Variants in CRACD observed in about 807,000 individuals in gnomAD.
CRACD encodes the protein capping protein inhibiting regulator of actin dynamics, also known as capping protein-inhibiting regulator of actin dynamics.
In CRACD, 56 loss-of-function variants were observed where a neutral mutation model predicts 106.8. That is an observed-to-expected ratio of 0.52 (90% CI 0.42 to 0.66). CRACD has a LOEUF of 0.66. Ranked by LOEUF, CRACD falls within the 30% of genes least tolerant of loss-of-function variation. The probability of loss-of-function intolerance (pLI) is 0.00; values close to 1 mark genes in which losing one functional copy is unlikely to be tolerated. For missense variants in CRACD, 1,730 were observed against 1,623.2 expected (o/e 1.07, Z -1.13); for synonymous variants, 754 against 670.8 (o/e 1.12, Z -1.92).
chr4:56,308,836 T>G (rs1744935158), intron 5 of CRACD: 1 of 1,287,700 alleles, frequency 7.8e-7, no homozygotes. Flanking sequence ...TGCAGGGGTA[T>G]CCTGAGATCT....
chr4:56,216,847 G>A (rs1055863407), intron 2 of CRACD, among the ~76,000 whole-genome samples: 72 of 151,188 alleles, frequency 4.8e-4, no homozygotes, highest in African/African-American at 1.7e-3. Flanking sequence ...GGGCGCGGTG[G>A]CGGGCACCTG....
chr4:56,126,485 A>G (rs912971115), intron 1 of CRACD, among the ~76,000 whole-genome samples: 1 of 152,198 alleles, frequency 6.6e-6, no homozygotes, highest in African/African-American at 2.4e-5. Flanking sequence ...TCCATTCTCT[A>G]AGGATAACAA....
chr4:56,267,402 G>GT (rs1742086210), intron 2 of CRACD, among the ~76,000 whole-genome samples: 1 of 152,076 alleles, frequency 6.6e-6, no homozygotes, highest in Non-Finnish European at 1.5e-5. Flanking sequence ...GATTACAGGC[G>GT]TGAGCCACCA....
chr4:56,132,544 G>A (rs964794836), intron 1 of CRACD, among the ~76,000 whole-genome samples: 3 of 151,956 alleles, frequency 2.0e-5, no homozygotes, highest in Non-Finnish European at 4.4e-5. Context: ...TCACCATATT[G>A]CCCAGGCTGG....
chr4:56,090,579 GAGAC>G (rs1733393851), intron 1 of CRACD, among the ~76,000 whole-genome samples: 1 of 152,088 alleles, frequency 6.6e-6, no homozygotes, highest in Admixed American at 6.6e-5. Flanking sequence ...ATTTTTTGTA[GAGAC>G]AAGGTTTTGC....
At chr4:56,051,243 A>G (rs893613932) in intron 1 of CRACD, among the ~76,000 whole-genome samples, 3 of 152,236 alleles carry the variant, frequency 2.0e-5, no homozygotes, top group African/African-American at 7.2e-5. Flanking sequence ...TAAAACGTGT[A>G]CAGATGGAAT....
rs183566963 is a variant in CRACD, at chr4:56,199,769, G to A, written c.-189+20339G>A. Reference sequence around the variant, plus strand: ...TTTGAAATCTAACCAATATTGTTCTGCTTTATGCCTCACTCCCTAAGAACT... The same window carrying A: ...TTTGAAATCTAACCAATATTGTTCTACTTTATGCCTCACTCCCTAAGAACT... On this transcript the variant is annotated intron_variant, in intron 2 of 10. Transcript: ENST00000682029. Among the ~76,000 whole-genome samples the A allele has an allele frequency of 1.3e-3, 197 of 151,002 alleles. 1 individual carries two copies. The highest frequency in any genetic ancestry group is 5.8e-3 in the Admixed American group (87 of 15,116).
chr4:56,328,466 T>C lies in CRACD; in HGVS notation c.*662T>C. The C allele has an allele frequency of 2.0e-6, 1 of 510,098 alleles. No homozygotes were observed. The allele number at this position is 510,098 out of a possible 1,614,324, so 31.6% of individuals were successfully genotyped here. On this transcript the variant is annotated 3_prime_UTR_variant, in exon 11 of 11. Coordinates refer to ENST00000682029, the MANE Select transcript of CRACD (RefSeq NM_001393381.1). ...ATAGTGTGGGGCCCTGTTATTCCAA[T>C]ACCCTCCTTAAGGACATGTGAAGCA...
At chr4:56,160,999 C>T (rs1402236758) in intron 1 of CRACD, among the ~76,000 whole-genome samples, 1 of 152,098 alleles carries the variant, frequency 6.6e-6, no homozygotes, top group African/African-American at 2.4e-5. Context: ...TTTATCTGGG[C>T]GTTCTGGATG....
intron 2 of CRACD, among the ~76,000 whole-genome samples, chr4:56,230,599 G>C (rs1238830510): frequency 1.3e-5 from 2 of 152,126 alleles, no homozygotes; most frequent in Non-Finnish European, 2.9e-5. Context: ...CCTGAACAAT[G>C]GTTTTCGAGC....
At chr4:56,115,702 C>G (rs1306553994) in intron 1 of CRACD, among the ~76,000 whole-genome samples, 1 of 152,126 alleles carries the variant, frequency 6.6e-6, no homozygotes, top group Non-Finnish European at 1.5e-5. Flanking sequence ...ATTTACTACC[C>G]TAGTTAGTAA....
intron 2 of CRACD, among the ~76,000 whole-genome samples, chr4:56,237,721 T>TACACACACAC (rs36207795): frequency 2.1e-5 from 3 of 144,414 alleles, no homozygotes; most frequent in Admixed American, 1.4e-4. Flanking sequence ...AGATATTACA[T>TACACACACAC]ACACACACAC....
chr4:56,152,972 T>A (rs554617262), intron 1 of CRACD, among the ~76,000 whole-genome samples: 3 of 152,170 alleles, frequency 2.0e-5, no homozygotes, highest in Admixed American at 2.0e-4. Context: ...AATCTTAAAT[T>A]TTCTTTGTTC....
intron 2 of CRACD, among the ~76,000 whole-genome samples, chr4:56,214,257 T>G (rs964951753): frequency 6.6e-6 from 1 of 152,130 alleles, no homozygotes; most frequent in Non-Finnish European, 1.5e-5. Flanking sequence ...AGATTTTTTT[T>G]GTAATTAAAA....
intron 1 of CRACD, among the ~76,000 whole-genome samples, chr4:56,124,726 T>G (rs1348750184): frequency 1.3e-5 from 2 of 152,196 alleles, no homozygotes; most frequent in Non-Finnish European, 2.9e-5. Flanking sequence ...TAACATTTGT[T>G]GAAGAAACAT....
chr4:56,188,622 C>CCTCTCTCTCTCTCT (rs140815351), intron 2 of CRACD, among the ~76,000 whole-genome samples: 18 of 121,606 alleles, frequency 1.5e-4, no homozygotes, highest in African/African-American at 6.1e-4. Flanking sequence ...ATCTGTCTAG[C>CCTCTCTCTCTCTCT]CTCTCTCTCT....
intron 2 of CRACD, among the ~76,000 whole-genome samples, chr4:56,196,950 C>T (rs553150898): frequency 1.2e-3 from 182 of 151,962 alleles, no homozygotes; most frequent in African/African-American, 4.0e-3. Flanking sequence ...TAGCAATGGC[C>T]CTGAAACGTC....
intron 2 of CRACD, among the ~76,000 whole-genome samples, chr4:56,235,686 G>GTTGACAGTAGATTCAGCTT (rs1739926261): frequency 6.6e-6 from 1 of 152,174 alleles, no homozygotes; most frequent in Non-Finnish European, 1.5e-5. Context: ...AATCCTCATT[G>GTTGACAGTAGATTCAGCTT]TTGACAGTAG....
chr4:56,169,441 T>G (rs1309400340), intron 1 of CRACD, among the ~76,000 whole-genome samples: 1 of 152,118 alleles, frequency 6.6e-6, no homozygotes, highest in African/African-American at 2.4e-5. Flanking sequence ...AGAGAACAGG[T>G]TCATGAACCC....
Sources: allele counts gnomAD v4.1 joint callset (sites outside exome capture counted in the v4.1 genomes callset), GRCh38; gene constraint gnomAD v4.1.1; transcripts MANE v1.5; gene names NCBI Gene and HGNC (gene_info 2026-07-23, HGNC 2026-07-21).